DMD: variants seen among roughly 807,000 people sequenced by gnomAD.
The protein encoded by DMD is dystrophin.
In DMD, 63 loss-of-function variants were observed where a neutral mutation model predicts 330.1. That is an observed-to-expected ratio of 0.19 (90% CI 0.16 to 0.24). DMD has a LOEUF of 0.24. Ranked by LOEUF, DMD falls within the 10% of genes least tolerant of loss-of-function variation. The pLI is 1.00. For missense variants in DMD, 3,344 were observed against 2,684.1 expected (o/e 1.25, Z -5.43); for synonymous variants, 1,223 against 959.8 (o/e 1.27, Z -5.07).
chrX:32,405,662 G>C (rs960393488), intron 30 of DMD, among the ~76,000 whole-genome samples: 1 of 111,616 alleles, frequency 9.0e-6, no homozygotes, highest in African/African-American at 3.3e-5. Flanking sequence ...TAGCCTTGTA[G>C]TATACTTTGA....
chrX:33,071,404 G>A (rs921890870), intron 1 of DMD, among the ~76,000 whole-genome samples: 2 of 99,244 alleles, frequency 2.0e-5, no homozygotes, highest in Non-Finnish European at 4.0e-5. Flanking sequence ...GGGCAACAGA[G>A]TGAGACTCTG....
intron 55 of DMD, among the ~76,000 whole-genome samples, chrX:31,612,675 A>G (rs2077988047): frequency 8.9e-6 from 1 of 111,935 alleles, no homozygotes; most frequent in East Asian, 2.8e-4. Context: ...ATTGGTACAC[A>G]CTGGTATACA....
intron 50 of DMD, among the ~76,000 whole-genome samples, chrX:31,806,642 G>A (rs1392749170): frequency 8.9e-6 from 1 of 112,156 alleles, no homozygotes. Context: ...ATGGCTTATT[G>A]CTGACCTCAT....
chrX:32,966,245 C>T (rs905102742), intron 2 of DMD, among the ~76,000 whole-genome samples: 1 of 111,841 alleles, frequency 8.9e-6, no homozygotes, highest in Non-Finnish European at 1.9e-5. Context: ...AGCTTTCATG[C>T]CCATCAAATA....
rs1569529239 is a variant in DMD, at chrX:31,341,920, C to CACACAT, written c.9163+6635_9163+6636insATGTGT. On this transcript the variant is annotated intron_variant, in intron 61 of 78. Coordinates refer to ENST00000357033, the MANE Select transcript of DMD (RefSeq NM_004006.3). The stretch of plus-strand genomic sequence containing the variant: ...ACACACACACACACACACACACACA[C>CACACAT]GCATGTACACACATATCTAACAAAT... Among the ~76,000 whole-genome samples, 9 of 109,443 alleles carry CACACAT rather than the reference C, an allele frequency of 8.2e-5. 1 individual carries two copies. The highest frequency in any genetic ancestry group is 3.0e-4 in the African/African-American group (9 of 29,706).
intron 9 of DMD, among the ~76,000 whole-genome samples, chrX:32,651,832 G>T (rs753964429): frequency 3.7e-4 from 41 of 112,253 alleles, no homozygotes; most frequent in African/African-American, 1.3e-3. Flanking sequence ...AACAGAAAAA[G>T]AAGTCAGAAG....
chrX:32,161,181 T>G (rs1603627411), intron 44 of DMD, among the ~76,000 whole-genome samples: 1 of 112,109 alleles, frequency 8.9e-6, no homozygotes, highest in East Asian at 2.8e-4. Context: ...AAGCCAGGAT[T>G]ATTATAAGGA....
intron 44 of DMD, chrX:32,155,456 G>T (rs952829493): frequency 1.2e-5 from 9 of 751,892 alleles, no homozygotes; most frequent in Non-Finnish European, 1.3e-5. Context: ...ACAAAGCTTT[G>T]CCATTGCTAG....
intron 51 of DMD, among the ~76,000 whole-genome samples, chrX:31,745,962 T>C (rs767931944): frequency 3.6e-5 from 4 of 111,704 alleles, no homozygotes; most frequent in African/African-American, 1.3e-4. Context: ...TTAATACGTA[T>C]TGCTGCACTA....
intron 54 of DMD, among the ~76,000 whole-genome samples, chrX:31,640,864 T>A (rs1227792098): frequency 1.8e-5 from 2 of 112,120 alleles, no homozygotes; most frequent in African/African-American, 6.5e-5. Flanking sequence ...AAATGGAAAG[T>A]GACAAGGTAA....
intron 60 of DMD, among the ~76,000 whole-genome samples, chrX:31,402,026 A>G (rs2061215590): frequency 8.9e-6 from 1 of 111,865 alleles, no homozygotes; most frequent in Non-Finnish European, 1.9e-5. Context: ...TATAGATGGA[A>G]AATAGGCTTA....
At chrX:32,560,612 C>A in intron 16 of DMD, among the ~76,000 whole-genome samples, 1 of 110,794 alleles carries the variant, frequency 9.0e-6, no homozygotes, top group Non-Finnish European at 1.9e-5. Flanking sequence ...GCAACAGGCC[C>A]CAGTGTGTGT....
At chrX:32,713,998 G>A (rs1438914389) in intron 7 of DMD, among the ~76,000 whole-genome samples, 5 of 111,783 alleles carry the variant, frequency 4.5e-5, no homozygotes, top group Non-Finnish European at 7.5e-5. Flanking sequence ...CTAAAGTACT[G>A]AATATATCGT....
At chrX:32,713,466 T>G (rs1035242540) in intron 7 of DMD, among the ~76,000 whole-genome samples, 1 of 111,488 alleles carries the variant, frequency 9.0e-6, no homozygotes, top group Non-Finnish European at 1.9e-5. Flanking sequence ...ATGTAGTATC[T>G]GAGTTCTACC....
intron 44 of DMD, among the ~76,000 whole-genome samples, chrX:32,209,288 C>T (rs1190947957): frequency 9.0e-6 from 1 of 110,830 alleles, no homozygotes; most frequent in African/African-American, 3.3e-5. Context: ...TTACAAAAGG[C>T]ATATCTGTGA....
chrX:32,205,033 ACACACACACC>A lies in DMD; in HGVS notation c.6438+11873_6438+11882del, dbSNP rs1335645764. Among the ~76,000 whole-genome samples the A allele has an allele frequency of 2.8e-3, 247 of 86,911 alleles. 2 individuals are homozygous for A. Among genetic ancestry groups the A allele is most frequent in the African/African-American group, 9.9e-3 (233 of 23,448 alleles). The allele number at this position is 86,911 out of a possible 115,157, so 75.5% of individuals were successfully genotyped here. On this transcript the variant is annotated intron_variant, in intron 44 of 78. Coordinates refer to ENST00000357033, the MANE Select transcript of DMD (RefSeq NM_004006.3). ...CATACACACACACACACACACACAC[ACACACACACC>A]CACACACACACAGTCGCAATTAAAA...
chrX:32,629,919 G>A (rs775085413), intron 11 of DMD, among the ~76,000 whole-genome samples: 16 of 110,348 alleles, frequency 1.4e-4, no homozygotes, highest in African/African-American at 4.6e-4. Flanking sequence ...TGATAGGTTC[G>A]TCTTTTAGTC....
intron 50 of DMD, among the ~76,000 whole-genome samples, chrX:31,789,643 G>T (rs2091476395): frequency 9.0e-6 from 1 of 111,136 alleles, no homozygotes. Context: ...CCTTAAAAAT[G>T]ATGTTTCTTT....
chrX:31,997,785 G>A (rs767275229), intron 44 of DMD, among the ~76,000 whole-genome samples: 17 of 110,935 alleles, frequency 1.5e-4, no homozygotes, highest in East Asian at 1.1e-3. Context: ...GCACATTTTC[G>A]TCTGTCAGTA....
Sources: allele counts gnomAD v4.1 joint callset (sites outside exome capture counted in the v4.1 genomes callset), GRCh38; gene constraint gnomAD v4.1.1; transcripts MANE v1.5; gene names NCBI Gene and HGNC (gene_info 2026-07-23, HGNC 2026-07-21).